The following LINGO2 variants were observed in gnomAD, a reference collection of about 807,000 sequenced individuals.
The protein encoded by LINGO2 is leucine-rich repeat and immunoglobulin-like domain-containing nogo receptor-interacting protein 2.
A neutral mutation model predicts 30.6 loss-of-function variants in LINGO2; 14 were observed. The ratio of observed to expected loss-of-function variants is 0.46; its 90% confidence interval spans 0.30 to 0.72. LINGO2 has a LOEUF of 0.72. Ranked by LOEUF, LINGO2 falls within the 30% of genes least tolerant of loss-of-function variation. The probability of loss-of-function intolerance (pLI) is 0.07; values close to 1 mark genes in which losing one functional copy is unlikely to be tolerated. For missense variants in LINGO2, 729 were observed against 751.7 expected, an observed-to-expected ratio of 0.97 and a Z score of 0.35; for synonymous variants, 317 against 288.5, an observed-to-expected ratio of 1.10 and a Z score of -1.00.
chr9:28,821,521 AAC>A, the LINGO2 span, among the ~76,000 whole-genome samples: 1 of 152,200 alleles, frequency 6.6e-6, no homozygotes, highest in Non-Finnish European at 1.5e-5. Context: ...TCAGCCTTGG[AAC>A]TAGATGCCTC....
chr9:28,447,307 T>TA lies in LINGO2; in HGVS notation c.-279+28632dup, dbSNP rs370413930. Among the ~76,000 whole-genome samples, 183 of 152,280 alleles carry TA rather than the reference T, an allele frequency of 1.2e-3. 2 individuals carry two copies. Among genetic ancestry groups the TA allele is most frequent in the African/African-American group, 4.2e-3 (176 of 41,552 alleles). ...TGATTAATCATGAGGGCTGTGTCCT[T>TA]ATGAATGGAATTAGTTGCTTGTAAA... is the stretch of plus-strand genomic sequence containing the variant. On this transcript the variant is annotated intron_variant, in intron 2 of 5. Transcript: ENST00000379992.
the LINGO2 span, among the ~76,000 whole-genome samples, chr9:29,117,461 A>T: frequency 3.3e-5 from 5 of 152,214 alleles, no homozygotes; most frequent in Non-Finnish European, 4.4e-5. Flanking sequence ...GCTCCAGCAT[A>T]TCACTGGTTT....
At chr9:28,723,004 T>C in the LINGO2 span, among the ~76,000 whole-genome samples, 1 of 152,124 alleles carries the variant, frequency 6.6e-6, no homozygotes, top group African/African-American at 2.4e-5. Flanking sequence ...GGACCCCACC[T>C]GAAACAATTA....
At chr9:28,893,783 G>C in the LINGO2 span, among the ~76,000 whole-genome samples, 6 of 150,844 alleles carry the variant, frequency 4.0e-5, no homozygotes, top group Non-Finnish European at 8.9e-5. Context: ...TAAGTTTTAG[G>C]GTACATGTGC....
the LINGO2 span, among the ~76,000 whole-genome samples, chr9:29,136,045 A>G: frequency 6.6e-6 from 1 of 152,116 alleles, no homozygotes; most frequent in Non-Finnish European, 1.5e-5. Flanking sequence ...ATCTCTCCCA[A>G]TTATCACAGT....
the LINGO2 span, among the ~76,000 whole-genome samples, chr9:29,012,720 A>C: frequency 1.3e-5 from 2 of 152,156 alleles, no homozygotes; most frequent in Non-Finnish European, 2.9e-5. Context: ...TTGGGGCTGC[A>C]ATTTTACATA....
intron 4 of LINGO2, among the ~76,000 whole-genome samples, chr9:28,208,522 G>T (rs539543339): frequency 2.9e-4 from 44 of 152,114 alleles, no homozygotes; most frequent in Non-Finnish European, 6.2e-4. Flanking sequence ...GATGTGAGGG[G>T]TAGGGAGATA....
At chr9:28,469,085 A>T (rs2135159771) in intron 2 of LINGO2, among the ~76,000 whole-genome samples, 1 of 152,262 alleles carries the variant, frequency 6.6e-6, no homozygotes, top group East Asian at 1.9e-4. Context: ...ATATGAACAT[A>T]ATTAAAATAT....
intron 1 of LINGO2, among the ~76,000 whole-genome samples, chr9:28,479,423 T>C (rs1276482316): frequency 2.0e-5 from 3 of 152,056 alleles, no homozygotes; most frequent in Non-Finnish European, 4.4e-5. Context: ...TAAGAAGTGT[T>C]TGCAAAAGCA....
chr9:28,436,634 T>G (rs1823947120), intron 2 of LINGO2, among the ~76,000 whole-genome samples: 1 of 151,990 alleles, frequency 6.6e-6, no homozygotes, highest in Non-Finnish European at 1.5e-5. Flanking sequence ...ATTTTTTGTA[T>G]TTTTAGTAGA....
intron 5 of LINGO2, among the ~76,000 whole-genome samples, chr9:27,973,811 C>T (rs1820466108): frequency 6.6e-6 from 1 of 152,116 alleles, no homozygotes; most frequent in African/African-American, 2.4e-5. Context: ...GTTCATTCAC[C>T]AATCTTTTGG....
chr9:27,991,774 A>G (rs1821410579), intron 5 of LINGO2, among the ~76,000 whole-genome samples: 1 of 152,076 alleles, frequency 6.6e-6, no homozygotes, highest in African/African-American at 2.4e-5. Context: ...AATATGCATT[A>G]TTTTATGTCA....
At chr9:28,979,133 GTT>G in the LINGO2 span, among the ~76,000 whole-genome samples, 1 of 151,664 alleles carries the variant, frequency 6.6e-6, no homozygotes, top group Non-Finnish European at 1.5e-5. Flanking sequence ...CTTAGTGTTT[GTT>G]TCTCTGTTTT....
the LINGO2 span, among the ~76,000 whole-genome samples, chr9:29,157,081 A>T: frequency 1.3e-5 from 2 of 151,958 alleles, no homozygotes; most frequent in African/African-American, 2.4e-5. Flanking sequence ...CAACATCCCC[A>T]CCTACACAAA....
intron 4 of LINGO2, among the ~76,000 whole-genome samples, chr9:28,087,862 C>A (rs979558712): frequency 2.0e-5 from 3 of 152,056 alleles, no homozygotes; most frequent in African/African-American, 7.2e-5. Flanking sequence ...TCAATAGCCA[C>A]AATTTCCTCC....
At chr9:28,352,068 G>C (rs1156649857) in intron 3 of LINGO2, among the ~76,000 whole-genome samples, 1 of 149,560 alleles carries the variant, frequency 6.7e-6, no homozygotes, top group African/African-American at 2.4e-5. Flanking sequence ...AAAACTGGAA[G>C]CATTCCCTTT....
intron 4 of LINGO2, among the ~76,000 whole-genome samples, chr9:28,074,665 G>A (rs1402897978): frequency 2.0e-5 from 3 of 152,136 alleles, no homozygotes; most frequent in Non-Finnish European, 4.4e-5. Context: ...AAAGCCTATA[G>A]AGATTAGTGC....
chr9:28,858,731 G>A, the LINGO2 span, among the ~76,000 whole-genome samples: 1 of 151,996 alleles, frequency 6.6e-6, no homozygotes, highest in African/African-American at 2.4e-5. Context: ...TTTCCAAAAT[G>A]AGCACATAAA....
At chr9:28,073,387 G>T (rs1048413188) in intron 4 of LINGO2, among the ~76,000 whole-genome samples, 1 of 152,046 alleles carries the variant, frequency 6.6e-6, no homozygotes, top group African/African-American at 2.4e-5. Flanking sequence ...CATAAACTGT[G>T]AAGTCCCTTG....
Sources: gnomAD v4.1 joint callset for allele counts (sites outside exome capture counted in the v4.1 genomes callset) on GRCh38, gnomAD v4.1.1 for gene constraint, MANE v1.5 for transcripts, NCBI Gene and HGNC (gene_info 2026-07-23, HGNC 2026-07-21) for gene names.